The following MRPS28 variants were observed in gnomAD, a reference collection of about 807,000 sequenced individuals.
The protein encoded by MRPS28 is mitochondrial ribosomal protein S28.
A neutral mutation model predicts 10.8 loss-of-function variants in MRPS28; 7 were observed. The observed-to-expected ratio is 0.65, with a 90% CI of 0.37 to 1.22. The LOEUF is 1.22. Among genes scored for constraint, MRPS28 ranks in the 50% most tolerant of loss-of-function variants. The pLI is 0.02. For missense variants in MRPS28, 265 were observed against 232.9 expected, an observed-to-expected ratio of 1.14 and a Z score of -0.90; for synonymous variants, 121 against 93.3, an observed-to-expected ratio of 1.30 and a Z score of -1.71.
intron 1 of MRPS28, among the ~76,000 whole-genome samples, chr8:80,017,290 G>GA (rs558481507): frequency 1.1e-4 from 16 of 152,154 alleles, no homozygotes; most frequent in Non-Finnish European, 1.8e-4. Context: ...AATTAGCACA[G>GA]AAAGCAATGA....
At chr8:79,962,603 T>A (rs1807400316) in intron 2 of MRPS28, among the ~76,000 whole-genome samples, 1 of 152,144 alleles carries the variant, frequency 6.6e-6, no homozygotes, top group African/African-American at 2.4e-5. Flanking sequence ...ACAGCAGGAA[T>A]TAGAAAAAGT....
At chr8:79,931,421 T>C (rs1806457931) in intron 2 of MRPS28, among the ~76,000 whole-genome samples, 1 of 152,160 alleles carries the variant, frequency 6.6e-6, no homozygotes, top group Non-Finnish European at 1.5e-5. Context: ...TATTAATGGG[T>C]AAAGAAAGCC....
At chr8:79,927,860 A>G (rs1048021874) in intron 2 of MRPS28, among the ~76,000 whole-genome samples, 1 of 152,184 alleles carries the variant, frequency 6.6e-6, no homozygotes, top group African/African-American at 2.4e-5. Context: ...AGAGGAAAAA[A>G]TCTTTCATAA....
chr8:80,025,172 T>C (rs1809464019), intron 1 of MRPS28, among the ~76,000 whole-genome samples: 1 of 152,234 alleles, frequency 6.6e-6, no homozygotes, highest in African/African-American at 2.4e-5. Context: ...TGAGTTCAAA[T>C]TGATAGCACT....
At chr8:79,981,105 G>A (rs1341685622) in intron 2 of MRPS28, among the ~76,000 whole-genome samples, 3 of 152,222 alleles carry the variant, frequency 2.0e-5, no homozygotes, top group Admixed American at 2.0e-4. Flanking sequence ...GAAGCTGGCA[G>A]ATTGCTTGAG....
At chr8:80,000,373 T>C (rs1188249614) in intron 2 of MRPS28, among the ~76,000 whole-genome samples, 1 of 152,248 alleles carries the variant, frequency 6.6e-6, no homozygotes, top group Non-Finnish European at 1.5e-5. Context: ...AACAAAGAGA[T>C]GTAGGCATAT....
intron 2 of MRPS28, among the ~76,000 whole-genome samples, chr8:79,927,911 T>C (rs1806336760): frequency 6.6e-6 from 1 of 152,092 alleles, no homozygotes; most frequent in African/African-American, 2.4e-5. Flanking sequence ...CAATCCAGAG[T>C]GCTTTAAATA....
At chr8:79,975,024 C>T (rs185122962) in intron 2 of MRPS28, among the ~76,000 whole-genome samples, 4 of 152,250 alleles carry the variant, frequency 2.6e-5, no homozygotes, top group East Asian at 1.9e-4. Flanking sequence ...GTAGCTCACA[C>T]GTATAATCCC....
At chr8:79,985,425 C>A (rs2130097558) in intron 2 of MRPS28, among the ~76,000 whole-genome samples, 1 of 152,134 alleles carries the variant, frequency 6.6e-6, no homozygotes, top group East Asian at 1.9e-4. Context: ...TAACTAAAAT[C>A]AGAGCAGAAC....
chr8:79,985,485 G>T (rs1050822223), intron 2 of MRPS28, among the ~76,000 whole-genome samples: 1 of 152,074 alleles, frequency 6.6e-6, no homozygotes. Flanking sequence ...ATGAATCCAG[G>T]AGCTGGTTTT....
intron 1 of MRPS28, among the ~76,000 whole-genome samples, chr8:80,016,091 GAAGA>G (rs1809187308): frequency 1.3e-5 from 2 of 152,116 alleles, no homozygotes; most frequent in African/African-American, 2.4e-5. Context: ...TCTAGAAGGA[GAAGA>G]AAGACAAATA....
At chr8:79,950,084 C>A (rs1422796207) in intron 2 of MRPS28, among the ~76,000 whole-genome samples, 1 of 152,032 alleles carries the variant, frequency 6.6e-6, no homozygotes, top group Non-Finnish European at 1.5e-5. Context: ...AAGCAAAAAA[C>A]CCCAGCTTCC....
At chr8:80,018,105 T>C (rs1311272812) in intron 1 of MRPS28, among the ~76,000 whole-genome samples, 1 of 151,934 alleles carries the variant, frequency 6.6e-6, no homozygotes, top group Non-Finnish European at 1.5e-5. Flanking sequence ...CTGGTTAACA[T>C]GGTGAAACCC....
intron 2 of MRPS28, among the ~76,000 whole-genome samples, chr8:79,983,466 A>C (rs1808040951): frequency 6.6e-6 from 1 of 152,224 alleles, no homozygotes; most frequent in African/African-American, 2.4e-5. Flanking sequence ...TCAGACGATC[A>C]AACTACTCCG....
At chr8:79,942,299 A>G (rs1484573079) in intron 2 of MRPS28, among the ~76,000 whole-genome samples, 1 of 152,224 alleles carries the variant, frequency 6.6e-6, no homozygotes, top group African/African-American at 2.4e-5. Context: ...GAAGCAGCAC[A>G]GTACTTTGGG....
Position 80,017,184 on chromosome 8 carries a change from T to C in MRPS28, c.213+12852A>G, listed in dbSNP as rs143138788. On this transcript the variant is annotated intron_variant, in intron 1 of 2. Coordinates refer to ENST00000276585, the MANE Select transcript of MRPS28 (RefSeq NM_014018.3). ...TCCCAAAATTCTTAGAGTAAACAAA[T>C]ACACGTCTAAATAACATGAGTCAAA... 3.6e-3 allele frequency among the ~76,000 whole-genome samples: 543 copies of C among 152,210 alleles called. 1 individual carries two copies. The highest frequency in any genetic ancestry group is 5.9e-3 in the Non-Finnish European group (401 of 67,996).
chr8:80,019,242 T>A (rs1193405507), intron 1 of MRPS28, among the ~76,000 whole-genome samples: 1 of 150,522 alleles, frequency 6.6e-6, no homozygotes, highest in South Asian at 2.1e-4. Context: ...AAGGAATGGA[T>A]ACTCTATTTA....
At chr8:79,935,025 CTA>C (rs1314981909) in intron 2 of MRPS28, among the ~76,000 whole-genome samples, 1 of 152,208 alleles carries the variant, frequency 6.6e-6, no homozygotes, top group Admixed American at 6.5e-5. Context: ...GACCACAAAA[CTA>C]TGCCAGCTCT....
At chr8:80,007,478 A>G (rs1299699745) in intron 1 of MRPS28, among the ~76,000 whole-genome samples, 2 of 152,206 alleles carry the variant, frequency 1.3e-5, no homozygotes, top group Non-Finnish European at 2.9e-5. Flanking sequence ...GAGGAAGTCA[A>G]ACTGTCCCTG....
Sources: allele counts gnomAD v4.1 joint callset (sites outside exome capture counted in the v4.1 genomes callset), GRCh38; gene constraint gnomAD v4.1.1; transcripts MANE v1.5; gene names NCBI Gene and HGNC (gene_info 2026-07-23, HGNC 2026-07-21).